SLC44A3: variants seen among roughly 807,000 people sequenced by gnomAD.
SLC44A3 encodes the protein solute carrier family 44 member 3, also known as choline transporter-like protein 3.
SLC44A3 carries 74 observed loss-of-function variants against 75.4 expected under a neutral mutation model. The ratio of observed to expected loss-of-function variants is 0.98; its 90% CI spans 0.81 to 1.19. SLC44A3 has a LOEUF of 1.19. Among genes scored for constraint, SLC44A3 ranks in the 50% most tolerant of loss-of-function variants. The pLI is 0.00. For missense variants in SLC44A3, 700 were observed against 778.6 expected (o/e 0.90, Z 1.20); for synonymous variants, 310 against 296.9 (o/e 1.04, Z -0.45).
At chr1:94,865,363 A>C (rs550231817) in intron 11 of SLC44A3, among the ~76,000 whole-genome samples, 1 of 152,256 alleles carries the variant, frequency 6.6e-6, no homozygotes, top group South Asian at 2.1e-4. Flanking sequence ...CAGTCATGGG[A>C]AATTCCTGGT....
chr1:94,886,335 G>A (rs1231013753), intron 12 of SLC44A3, among the ~76,000 whole-genome samples: 2 of 152,150 alleles, frequency 1.3e-5, no homozygotes, highest in Admixed American at 6.5e-5. Context: ...GCTGAAAATC[G>A]TGAGTCCTCC....
At chr1:94,879,437 C>T (rs536661996) in intron 12 of SLC44A3, among the ~76,000 whole-genome samples, 16 of 149,190 alleles carry the variant, frequency 1.1e-4, no homozygotes, top group East Asian at 6.1e-4. Flanking sequence ...GAGGCTGAAG[C>T]GGGAGAATTG....
intron 6 of SLC44A3, among the ~76,000 whole-genome samples, chr1:94,839,613 TC>T (rs1482597559): frequency 6.6e-6 from 1 of 152,152 alleles, no homozygotes; most frequent in African/African-American, 2.4e-5. Flanking sequence ...GTTCTCGAAC[TC>T]CTGACCTCAG....
chr1:94,834,651 G>C (rs3916287), intron 5 of SLC44A3, among the ~76,000 whole-genome samples: 1 of 151,600 alleles, frequency 6.6e-6, no homozygotes, highest in African/African-American at 2.4e-5. Flanking sequence ...CACCTGGCTA[G>C]TTTTTGTATT....
chr1:94,822,185 C>A (rs531362981), intron 2 of SLC44A3, among the ~76,000 whole-genome samples: 2 of 152,330 alleles, frequency 1.3e-5, no homozygotes, highest in Admixed American at 1.3e-4. Context: ...CCCTCCACAG[C>A]TTCAACCTAG....
intron 9 of SLC44A3, among the ~76,000 whole-genome samples, chr1:94,854,724 CG>C (rs1296341427): frequency 2.1e-5 from 3 of 144,176 alleles, no homozygotes; most frequent in Non-Finnish European, 4.4e-5. Context: ...TCAAGCCCCC[CG>C]CGCCCCCCGG....
intron 5 of SLC44A3, among the ~76,000 whole-genome samples, chr1:94,829,281 CA>C (rs545818379): frequency 3.6e-4 from 35 of 97,322 alleles, no homozygotes; most frequent in East Asian, 4.0e-4. Flanking sequence ...GAATCTGTCT[CA>C]AAAAAAAAAA....
intron 9 of SLC44A3, among the ~76,000 whole-genome samples, chr1:94,853,543 A>G (rs976333547): frequency 6.6e-6 from 1 of 152,194 alleles, no homozygotes; most frequent in African/African-American, 2.4e-5. Context: ...GTTAGAAAGA[A>G]TGGGATCTGG....
chr1:94,833,293 G>T (rs6675132), intron 5 of SLC44A3, among the ~76,000 whole-genome samples: 50,454 of 152,042 alleles, frequency 0.33, 8,542 homozygotes, highest in East Asian at 0.5. Context: ...TCCCTCATGG[G>T]CATGTTTTGG....
intron 12 of SLC44A3, chr1:94,888,617 AC>A (rs1282134478): frequency 9.2e-6 from 9 of 979,572 alleles, no homozygotes; most frequent in Non-Finnish European, 1.1e-5. Context: ...TAAGTCCAAA[AC>A]CAAAATTTCC....
intron 12 of SLC44A3, among the ~76,000 whole-genome samples, chr1:94,883,183 C>CAGTGCTGG (rs1669183538): frequency 6.6e-6 from 1 of 151,742 alleles, no homozygotes; most frequent in South Asian, 2.1e-4. Flanking sequence ...GGCATGGTGG[C>CAGTGCTGG]AGTGCTGGAT....
chr1:94,857,838 G>A (rs1287724735), intron 10 of SLC44A3, among the ~76,000 whole-genome samples: 1 of 127,262 alleles, frequency 7.9e-6, no homozygotes, highest in Non-Finnish European at 1.6e-5. Flanking sequence ...TTTTGAGATG[G>A]AGTCTTGCTC....
intron 9 of SLC44A3, among the ~76,000 whole-genome samples, chr1:94,850,498 T>C (rs191275272): frequency 2.0e-5 from 3 of 152,248 alleles, no homozygotes; most frequent in Non-Finnish European, 2.9e-5. Context: ...AGTTAGAAGA[T>C]TTAATCACAG....
intron 14 of SLC44A3, 136 bp from the exon 15 acceptor site, chr1:94,894,682 C>T (rs1009541298): frequency 2.1e-5 from 14 of 660,016 alleles, no homozygotes; most frequent in Non-Finnish European, 3.8e-5. Context: ...TATGCCATTT[C>T]TCCTGTTAAT....
Position 94,827,576 on chromosome 1 carries a change from T to C in SLC44A3, c.348T>C (p.Cys116=), listed in dbSNP as rs201620365. The change falls in exon 4 of 15, where the codon TGT becomes TGC. Residue 116 remains cysteine (C), a synonymous_variant. Coordinates refer to ENST00000271227, the MANE Select transcript of SLC44A3 (RefSeq NM_001114106.3). ...KGTQLNRMAL[C]VSNCPEEQLD... Reference sequence around the variant, plus strand: ...CGCAGCTCAACCGCATGGCCCTCTGTGTATCCAACTGCCCTGAAGAGCAGC... The same window carrying C: ...CGCAGCTCAACCGCATGGCCCTCTGCGTATCCAACTGCCCTGAAGAGCAGC... 32 of 1,614,210 alleles carry C rather than the reference T, an allele frequency of 2.0e-5. No individual in the cohort carries two copies. In the African/African-American group the frequency reaches 3.2e-4, roughly 16 times the overall value.
chr1:94,851,830 C>T (rs1665250910), intron 9 of SLC44A3, among the ~76,000 whole-genome samples: 1 of 152,216 alleles, frequency 6.6e-6, no homozygotes, highest in Non-Finnish European at 1.5e-5. Flanking sequence ...AAGTAGAACC[C>T]CTCCAAATTA....
intron 12 of SLC44A3, among the ~76,000 whole-genome samples, chr1:94,875,133 A>G (rs1668142302): frequency 6.6e-6 from 1 of 152,158 alleles, no homozygotes; most frequent in Admixed American, 6.5e-5. Flanking sequence ...ATCGCAAAAG[A>G]GAATGAGGAA....
chr1:94,834,144 G>C (rs1401478756), intron 5 of SLC44A3, among the ~76,000 whole-genome samples: 1 of 152,198 alleles, frequency 6.6e-6, no homozygotes, highest in Non-Finnish European at 1.5e-5. Flanking sequence ...ATAGGGCCTA[G>C]AATCAGTAAT....
chr1:94,887,795 A>G (rs1182182142), intron 12 of SLC44A3, among the ~76,000 whole-genome samples: 2 of 152,094 alleles, frequency 1.3e-5, no homozygotes, highest in African/African-American at 4.8e-5. Flanking sequence ...CTGAGCGGCA[A>G]TGGTGGAGCT....
Sources: allele counts gnomAD v4.1 joint callset (sites outside exome capture counted in the v4.1 genomes callset), GRCh38; gene constraint gnomAD v4.1.1; transcripts MANE v1.5; gene names NCBI Gene and HGNC (gene_info 2026-07-23, HGNC 2026-07-21).